Variants in ASCC3 observed in about 807,000 individuals in gnomAD.
ASCC3 encodes ASC-1 complex subunit P200.
A neutral mutation model predicts 256.3 loss-of-function variants in ASCC3; 158 were observed. The ratio of observed to expected loss-of-function variants is 0.62; its 90% CI spans 0.54 to 0.70. ASCC3 has a LOEUF of 0.70. ASCC3 is among the 30% of genes least tolerant of loss of function. ASCC3 has a pLI of 0.00. For synonymous variants in ASCC3, 948 were observed against 883.4 expected, an observed-to-expected ratio of 1.07 and a Z score of -1.30; for missense variants, 2,259 against 2,626.0, an observed-to-expected ratio of 0.86 and a Z score of 3.05.
In ASCC3 at chr6:100,575,849, T is replaced by C. The variant is rs143615265; in HGVS notation, c.5550+13785A>G. ...AAATTTTCCCTAACTTTGAAGCTTT[T>C]CATTTCTATTCCAGTTTTAAAATAG... On this transcript the variant is annotated intron_variant, in intron 36 of 41. Transcript: ENST00000369162. Among the ~76,000 whole-genome samples, 53 of 152,186 alleles carry C rather than the reference T, an allele frequency of 3.5e-4. 1 individual carries two copies. Among genetic ancestry groups the C allele is most frequent in the African/African-American group, 1.2e-3 (50 of 41,542 alleles).
chr6:100,514,250 G>A (rs1362787610), intron 39 of ASCC3, among the ~76,000 whole-genome samples: 1 of 152,026 alleles, frequency 6.6e-6, no homozygotes, highest in East Asian at 1.9e-4. Context: ...ACAAAGGATG[G>A]TCTATCCCCT....
chr6:100,869,457 T>C (rs1383474262), intron 1 of ASCC3, among the ~76,000 whole-genome samples: 1 of 152,194 alleles, frequency 6.6e-6, no homozygotes, highest in South Asian at 2.1e-4. Context: ...ATAGAAATTT[T>C]TTAATAATGA....
intron 13 of ASCC3, among the ~76,000 whole-genome samples, chr6:100,687,585 A>G (rs1462950650): frequency 6.6e-6 from 1 of 152,188 alleles, no homozygotes; most frequent in East Asian, 1.9e-4. Context: ...AATTGATAAC[A>G]ATGAGGTTAT....
In ASCC3 at chr6:100,846,455, T is replaced by C. The variant is rs1359066377; in HGVS notation, c.801+1693A>G. Among the ~76,000 whole-genome samples the C allele has an allele frequency of 3.9e-5, 6 of 152,170 alleles. No individual in the cohort carries two copies. The East Asian group carries it at 1.2e-3, about 29-fold the overall frequency. Reference sequence around the variant, plus strand: ...CAAGCCACTGACAGGATGTGAAATATCAACTTACATGTTAAACTATCCATT... The same window carrying C: ...CAAGCCACTGACAGGATGTGAAATACCAACTTACATGTTAAACTATCCATT... On this transcript the variant is annotated intron_variant, in intron 4 of 41. Coordinates refer to ENST00000369162, the MANE Select transcript of ASCC3 (RefSeq NM_006828.4).
intron 32 of ASCC3, among the ~76,000 whole-genome samples, chr6:100,606,376 T>C (rs1772888602): frequency 6.6e-6 from 1 of 152,108 alleles, no homozygotes. Context: ...TCATTTCTAG[T>C]GAAACACATT....
chr6:100,612,143 C>CT (rs1437065510), intron 30 of ASCC3, among the ~76,000 whole-genome samples: 3 of 151,864 alleles, frequency 2.0e-5, no homozygotes, highest in African/African-American at 4.8e-5. Context: ...CTTAATAGAA[C>CT]TTTTTTACAT....
Position 100,594,527 on chromosome 6 carries a change from C to A in ASCC3, c.5304-4468G>T, listed in dbSNP as rs545306227. Among the ~76,000 whole-genome samples, 131 of 152,130 alleles carry A rather than the reference C, an allele frequency of 8.6e-4. 1 individual carries two copies. The highest frequency in any genetic ancestry group is 3.4e-3 in the Middle Eastern group (1 of 294). On this transcript the variant is annotated intron_variant, in intron 34 of 41. Coordinates refer to ENST00000369162, the MANE Select transcript of ASCC3 (RefSeq NM_006828.4). ...ACAGACAATAATAAAAAGACACAAG[C>A]GAGGGCCAATCACAAGAATGTGGAG...
At position 100,607,000 on chromosome 6, in the gene ASCC3, T is replaced by A. The variant is rs773957749; in HGVS notation, c.4874A>T (p.Glu1625Val). The A allele has an allele frequency of 4.3e-6, 7 of 1,613,630 alleles. No individual in the cohort carries two copies. The highest frequency in any genetic ancestry group is 4.0e-5 in the African/African-American group (3 of 74,912). The change falls in exon 31 of 42, where the codon GAG becomes GTG. Residue 1625 changes from glutamate (E) to valine (V), a missense_variant. Physicochemically the swap from Glu to Val is moderately radical, Grantham distance 121 (BLOSUM62 -2). Around this residue, in one of 2 missense-constraint regions of ASCC3, gnomAD observed 1,839 missense variants for 2,206.7 expected, o/e 0.83. Coordinates refer to ENST00000369162, the MANE Select transcript of ASCC3 (RefSeq NM_006828.4). ...GIGMHHAGLH[E>V]RDRKTVEELF... is the part of the protein sequence containing the mutation. The stretch of plus-strand genomic sequence containing the variant: ...TTCCTCTACTGTTTTTCGGTCCCTC[T>A]CATGTAGTCCAGCATGATGCATTCC...
At chr6:100,788,251 A>C (rs1769184255) in intron 8 of ASCC3, among the ~76,000 whole-genome samples, 1 of 152,024 alleles carries the variant, frequency 6.6e-6, no homozygotes, top group Admixed American at 6.6e-5. Flanking sequence ...AATGCAAACC[A>C]AAACCATAAT....
chr6:100,528,793 G>T (rs1481413299), intron 37 of ASCC3, among the ~76,000 whole-genome samples: 1 of 152,124 alleles, frequency 6.6e-6, no homozygotes, highest in Non-Finnish European at 1.5e-5. Context: ...GAATCACCTA[G>T]AATACTTTCA....
At chr6:100,877,827 T>C (rs1219924446) in intron 1 of ASCC3, among the ~76,000 whole-genome samples, 3 of 152,230 alleles carry the variant, frequency 2.0e-5, no homozygotes, top group African/African-American at 7.2e-5. Flanking sequence ...AATCACCACA[T>C]GCATCTCAAA....
At chr6:100,853,677 GGT>G (rs2114518765) in intron 3 of ASCC3, among the ~76,000 whole-genome samples, 1 of 152,180 alleles carries the variant, frequency 6.6e-6, no homozygotes, top group South Asian at 2.1e-4. Context: ...GGCCCAGGCT[GGT>G]CTCAAACTCC....
chr6:100,846,725 G>T (rs1220651823), intron 4 of ASCC3, among the ~76,000 whole-genome samples: 1 of 152,126 alleles, frequency 6.6e-6, no homozygotes, highest in Non-Finnish European at 1.5e-5. Context: ...GTTAAATCTA[G>T]TCATATTTTA....
chr6:100,828,259 T>C (rs1771427627), intron 4 of ASCC3, among the ~76,000 whole-genome samples: 1 of 152,152 alleles, frequency 6.6e-6, no homozygotes, highest in Non-Finnish European at 1.5e-5. Context: ...TAAGAGGAAA[T>C]GGGGATAAAA....
At chr6:100,785,992 C>T (rs893067010) in intron 8 of ASCC3, among the ~76,000 whole-genome samples, 1 of 152,116 alleles carries the variant, frequency 6.6e-6, no homozygotes, top group African/African-American at 2.4e-5. Context: ...ATACCCTCTT[C>T]TTGGGAGGGT....
At chr6:100,584,118 C>A (rs1771490721) in intron 36 of ASCC3, among the ~76,000 whole-genome samples, 1 of 151,266 alleles carries the variant, frequency 6.6e-6, no homozygotes, top group Admixed American at 6.6e-5. Context: ...TGGTGCAGAG[C>A]TGAGTTCAAT....
chr6:100,872,490 G>A (rs568160998), intron 1 of ASCC3, among the ~76,000 whole-genome samples: 5 of 149,716 alleles, frequency 3.3e-5, no homozygotes, highest in Admixed American at 1.3e-4. Flanking sequence ...CATGGCAGAC[G>A]GGAGGCAGGA....
chr6:100,608,097 CACATATATATGTATATATATCTATATAT>C lies in ASCC3; in HGVS notation c.4786-1037_4786-1010del, dbSNP rs1339788025. Reference sequence around the variant, plus strand: ...ATATATATGTATATATATCTATATACACATATATATGTATATATATCTATATATACATATATATGTATATATATCTATA... The same window carrying C: ...ATATATATGTATATATATCTATATACACATATATATGTATATATATCTATA... On this transcript the variant is annotated intron_variant, in intron 30 of 41. Coordinates refer to ENST00000369162, the MANE Select transcript of ASCC3 (RefSeq NM_006828.4). 4.4e-4 allele frequency among the ~76,000 whole-genome samples: 20 copies of C among 45,010 alleles called. 1 individual carries two copies. Among genetic ancestry groups the C allele is most frequent in the Admixed American group, 2.0e-3 (6 of 3,052 alleles). 29.5% of individuals were successfully genotyped at this position (45,010 alleles called of 152,430 possible).
intron 13 of ASCC3, among the ~76,000 whole-genome samples, chr6:100,709,490 C>G (rs755644953): frequency 1.3e-5 from 2 of 152,100 alleles, no homozygotes; most frequent in South Asian, 2.1e-4. Context: ...GCTTAACATG[C>G]CTTAGGTTCA....
Sources: allele counts gnomAD v4.1 joint callset (sites outside exome capture counted in the v4.1 genomes callset), GRCh38; gene constraint gnomAD v4.1.1; regional missense constraint gnomAD v4.1.1; transcripts MANE v1.5; gene names NCBI Gene and HGNC (gene_info 2026-07-23, HGNC 2026-07-21).